The following CFAP263 variants were observed in gnomAD, a reference collection of about 807,000 sequenced individuals.
CFAP263 encodes cilia and flagella associated protein 263, also known as cilia- and flagella-associated protein 263.
At chr16:58,263,770 G>T in the CFAP263 span, among the ~76,000 whole-genome samples, 1 of 152,210 alleles carries the variant, frequency 6.6e-6, no homozygotes, top group Non-Finnish European at 1.5e-5. Context: ...CTGAGGCCAG[G>T]AGTTCAAGAC....
At chr16:58,254,336 T>C in the CFAP263 span, among the ~76,000 whole-genome samples, 1 of 152,152 alleles carries the variant, frequency 6.6e-6, no homozygotes, top group African/African-American at 2.4e-5. Flanking sequence ...GGACAACACA[T>C]TTTTGAACAT....
the CFAP263 span, among the ~76,000 whole-genome samples, chr16:58,256,262 T>C: frequency 2.0e-4 from 30 of 152,104 alleles, no homozygotes; most frequent in African/African-American, 7.2e-4. Flanking sequence ...TTAAAGGAGC[T>C]TGGGATGTGG....
At chr16:58,267,395 G>T in the CFAP263 span, 3 of 949,300 alleles carry the variant, frequency 3.2e-6, no homozygotes, top group Non-Finnish European at 5.0e-6. Flanking sequence ...CTGCTTTTCT[G>T]TTCGTTAACA....
chr16:58,256,193 C>G, the CFAP263 span, among the ~76,000 whole-genome samples: 1 of 152,192 alleles, frequency 6.6e-6, no homozygotes, highest in Admixed American at 6.5e-5. Flanking sequence ...ATCAACTGAT[C>G]CTGCTCTCCC....
the CFAP263 span, among the ~76,000 whole-genome samples, chr16:58,270,629 T>C: frequency 6.6e-6 from 1 of 152,202 alleles, no homozygotes; most frequent in African/African-American, 2.4e-5. Context: ...GTCCAGTTTA[T>C]CCATTTTTTT....
the CFAP263 span, chr16:58,262,468 A>G: frequency 2.5e-6 from 4 of 1,613,142 alleles, no homozygotes; most frequent in Non-Finnish European, 3.4e-6. Flanking sequence ...AGACAATTGA[A>G]GCAAGGAATC....
chr16:58,280,435 C>G, the CFAP263 span: 1 of 1,614,144 alleles, frequency 6.2e-7, no homozygotes. Flanking sequence ...AGAGCTGTTT[C>G]CTAGTCGTGA....
the CFAP263 span, among the ~76,000 whole-genome samples, chr16:58,278,025 G>T: frequency 6.6e-6 from 1 of 152,122 alleles, no homozygotes; most frequent in Non-Finnish European, 1.5e-5. Flanking sequence ...ACAAGAATGT[G>T]AATGTACTTA....
chr16:58,282,665 A>C, the CFAP263 span: 1 of 152,240 alleles, frequency 6.6e-6, no homozygotes, highest in South Asian at 2.1e-4. Context: ...GGGGTGCTTT[A>C]GTGTGGCACT....
chr16:58,251,426 C>G, the CFAP263 span, among the ~76,000 whole-genome samples: 1 of 152,246 alleles, frequency 6.6e-6, no homozygotes, highest in South Asian at 2.1e-4. Flanking sequence ...CTCACTCGCT[C>G]TGTCGCCCAG....
the CFAP263 span, chr16:58,283,683 C>G: frequency 2.0e-5 from 3 of 152,264 alleles, no homozygotes; most frequent in South Asian, 6.2e-4. Context: ...AACACATTAT[C>G]TAATTTAAGA....
chr16:58,280,689 C>G, the CFAP263 span: 1 of 1,614,162 alleles, frequency 6.2e-7, no homozygotes, highest in African/African-American at 1.3e-5. Context: ...CACCGAAGTT[C>G]AGGACTCCTC....
At chr16:58,272,166 C>G in the CFAP263 span, among the ~76,000 whole-genome samples, 1 of 152,012 alleles carries the variant, frequency 6.6e-6, no homozygotes, top group Non-Finnish European at 1.5e-5. Context: ...CAGGCACCCG[C>G]CACCACGCCC....
the CFAP263 span, among the ~76,000 whole-genome samples, chr16:58,272,959 T>C: frequency 7.4e-4 from 112 of 152,194 alleles, no homozygotes; most frequent in Non-Finnish European, 1.3e-3. Flanking sequence ...AAAGATCATT[T>C]TGAGGATATA....
the CFAP263 span, chr16:58,281,047 C>T: frequency 2.7e-6 from 1 of 366,640 alleles, no homozygotes; most frequent in East Asian, 4.6e-5. Flanking sequence ...CCAAACCTTC[C>T]CTCTCTTCTG....
chr16:58,274,276 A>G, the CFAP263 span, among the ~76,000 whole-genome samples: 1 of 152,156 alleles, frequency 6.6e-6, no homozygotes. Context: ...ACTTGCTGCT[A>G]CTAACATTAT....
the CFAP263 span, among the ~76,000 whole-genome samples, chr16:58,273,627 G>A: frequency 1.3e-5 from 2 of 151,976 alleles, no homozygotes; most frequent in Non-Finnish European, 2.9e-5. Context: ...TTGGTTCTTT[G>A]AATAGCTCCT....
the CFAP263 span, among the ~76,000 whole-genome samples, chr16:58,270,546 C>T: frequency 6.6e-6 from 1 of 150,634 alleles, no homozygotes; most frequent in Non-Finnish European, 1.5e-5. Context: ...AATATTTTCT[C>T]CCATTCTGTG....
the CFAP263 span, among the ~76,000 whole-genome samples, chr16:58,271,315 T>C: frequency 6.6e-6 from 1 of 152,192 alleles, no homozygotes; most frequent in Non-Finnish European, 1.5e-5. Flanking sequence ...ACAGGAAAAT[T>C]GTGAAGATAG....
Sources: gnomAD v4.1 joint callset for allele counts (sites outside exome capture counted in the v4.1 genomes callset) on GRCh38, gnomAD v4.1.1 for gene constraint, MANE v1.5 for transcripts, NCBI Gene and HGNC (gene_info 2026-07-23, HGNC 2026-07-21) for gene names.